SPNS3: variants seen among roughly 807,000 people sequenced by gnomAD.
The protein encoded by SPNS3 is SPNS lysolipid transporter 3, sphingosine-1-phosphate (putative), also known as protein spinster homolog 3.
Under a neutral mutation model 54.4 loss-of-function variants are expected in SPNS3, and 51 were observed. That is an observed-to-expected ratio of 0.94 (90% CI 0.75 to 1.18). SPNS3 has a LOEUF of 1.18. SPNS3 is among the 50% of genes most tolerant of loss of function. The pLI is 0.00. For synonymous variants in SPNS3, 309 were observed against 294.7 expected, an observed-to-expected ratio of 1.05 and a Z score of -0.50; for missense variants, 669 against 677.4, an observed-to-expected ratio of 0.99 and a Z score of 0.14.
rs934815453 is a variant in SPNS3, at chr17:4,483,163, G to A, written c.1180-3065G>A. Among the ~76,000 whole-genome samples, 2 of 152,226 alleles carry A rather than the reference G, an allele frequency of 1.3e-5. No homozygotes were observed. Among genetic ancestry groups the A allele is most frequent in the Non-Finnish European group, 2.9e-5 (2 of 68,036 alleles). On this transcript the variant is annotated intron_variant, in intron 9 of 11. Transcript: ENST00000355530. This position sits in a 1 kb window ranked among gnomAD's most constrained non-coding sequence, Gnocchi z 4.2. ...CAGGGGCGTCTGGGGGCGAGGCCTG[G>A]GTGGGGGTGCAGGAGGCAGGCTGCC...
In SPNS3 at chr17:4,487,951, G is replaced by A; in HGVS notation, c.*57G>A. The stretch of plus-strand genomic sequence containing the variant: ...CCTCCCGTTGGTCCCCACAGCAGCA[G>A]TGCCTCGGTTCCTCTTTGGCTGTCC... On this transcript the variant is annotated 3_prime_UTR_variant, in exon 12 of 12. Transcript: ENST00000355530. 1.3e-6 allele frequency: 2 copies of A among 1,495,644 alleles called. No individual in the cohort carries two copies. The highest frequency in any genetic ancestry group is 1.9e-6 in the Non-Finnish European group (2 of 1,075,070). The allele number at this position is 1,495,644 out of a possible 1,614,324, so 92.6% of individuals were successfully genotyped here.
At chr17:4,435,506 G>C (rs993636502) in intron 1 of SPNS3, among the ~76,000 whole-genome samples, 6 of 150,402 alleles carry the variant, frequency 4.0e-5, no homozygotes, top group African/African-American at 1.2e-4. Flanking sequence ...ATTAAGGGAG[G>C]GCACAGTGGG....
chr17:4,482,063 A>T (rs1189196281), intron 9 of SPNS3: 2 of 152,006 alleles, frequency 1.3e-5, no homozygotes, highest in African/African-American at 4.8e-5. Flanking sequence ...TAATTTTTGT[A>T]TTTTTAGTAG....
intron 8 of SPNS3, among the ~76,000 whole-genome samples, chr17:4,465,548 C>A (rs62064882): frequency 0.13 from 19,819 of 151,972 alleles, 1,583 homozygotes; most frequent in Non-Finnish European, 0.18. Flanking sequence ...GCCAACGTGG[C>A]AAAACCCCGA....
At chr17:4,474,446 C>A (rs559822827) in intron 8 of SPNS3, among the ~76,000 whole-genome samples, 13 of 151,888 alleles carry the variant, frequency 8.6e-5, no homozygotes, top group African/African-American at 2.9e-4. Context: ...AGCGAGCCCC[C>A]AGGGGATACT....
chr17:4,435,606 A>G (rs1489730975), intron 1 of SPNS3, among the ~76,000 whole-genome samples: 2 of 152,056 alleles, frequency 1.3e-5, no homozygotes, highest in African/African-American at 4.8e-5. Context: ...GGTGGAGGAC[A>G]GGGTAGCCTG....
At position 4,463,189 on chromosome 17, in the gene SPNS3, G is replaced by T. The variant is rs1393338366; in HGVS notation, c.1113+9984G>T. Reference sequence around the variant, plus strand: ...AAGGTGGGTGGATCACTTGAGGTCAGGAGTTCAAGACCAGCCTGGCCAACA... The same window carrying T: ...AAGGTGGGTGGATCACTTGAGGTCATGAGTTCAAGACCAGCCTGGCCAACA... On this transcript the variant is annotated intron_variant, in intron 8 of 11. Coordinates refer to ENST00000355530, the MANE Select transcript of SPNS3 (RefSeq NM_182538.5). 3.3e-5 allele frequency among the ~76,000 whole-genome samples: 5 copies of T among 151,564 alleles called. No homozygotes were observed. The Admixed American group carries it at 3.3e-4, about 10-fold the overall frequency.
At chr17:4,462,135 A>G (rs1971524236) in intron 8 of SPNS3, among the ~76,000 whole-genome samples, 1 of 466 alleles carries the variant, frequency 2.1e-3, no homozygotes, top group Non-Finnish European at 7.5e-3. Flanking sequence ...CCATCCATCC[A>G]TCCATCCATC....
At chr17:4,475,952 G>A (rs1207636437) in intron 8 of SPNS3, among the ~76,000 whole-genome samples, 4 of 152,214 alleles carry the variant, frequency 2.6e-5, no homozygotes, top group African/African-American at 9.6e-5. Flanking sequence ...AGGGGCTGCT[G>A]GTGCTGAAGG....
intron 8 of SPNS3, among the ~76,000 whole-genome samples, chr17:4,473,762 G>A (rs1253552115): frequency 6.6e-6 from 1 of 152,134 alleles, no homozygotes; most frequent in Non-Finnish European, 1.5e-5. Flanking sequence ...GTGTCCACAG[G>A]GGAGCTTGCA....
Position 4,486,543 on chromosome 17 carries a change from C to T in SPNS3, c.1410C>T (p.Tyr470=). ...GGGCFLLTAL[Y]LERDETRAWQ... The stretch of plus-strand genomic sequence containing the variant: ...GCTGCTTCCTGCTGACTGCGCTGTA[C>T]CTGGAGAGAGACGAGACCCGGGCCT... The change falls in exon 11 of 12, where the codon TAC becomes TAT. Residue 470 remains tyrosine, a synonymous_variant. Coordinates refer to ENST00000355530, the MANE Select transcript of SPNS3 (RefSeq NM_182538.5). This position sits in a 1 kb window ranked among gnomAD's most constrained non-coding sequence, Gnocchi z 5.5. 1.2e-6 allele frequency: 2 copies of T among 1,613,334 alleles called. No homozygotes were observed. The highest frequency in any genetic ancestry group is 1.7e-6 in the Non-Finnish European group (2 of 1,179,822).
chr17:4,481,079 G>A (rs1972137757), intron 9 of SPNS3, among the ~76,000 whole-genome samples: 1 of 152,094 alleles, frequency 6.6e-6, no homozygotes, highest in Non-Finnish European at 1.5e-5. Flanking sequence ...GGACACCGAG[G>A]GTAGACAATT....
intron 4 of SPNS3, chr17:4,446,656 T>C (rs1232236578): frequency 8.5e-6 from 5 of 589,976 alleles, no homozygotes; most frequent in Admixed American, 2.9e-5. Context: ...GGTATGTGTT[T>C]CCATAGGTGG....
rs768692485 is a variant in SPNS3 at position 4,486,508 on chromosome 17, C to A, written c.1375C>A (p.Leu459Met). The change falls in exon 11 of 12, where the codon CTG becomes ATG. Residue 459 changes from leucine to methionine, a missense_variant. Physicochemically the swap from Leu to Met is conservative, Grantham distance 15. Coordinates refer to ENST00000355530, the MANE Select transcript of SPNS3 (RefSeq NM_182538.5). The surrounding 1 kb of genome is among the most constrained non-coding windows in gnomAD (Gnocchi z 5.5). The stretch of plus-strand genomic sequence containing the variant: ...CCTGTGCTGCGCCTTTGTCATCGCC[C>A]TGGGGGGCGGCTGCTTCCTGCTGAC... ...SFLCCAFVIA[L>M]GGGCFLLTAL... The A allele has an allele frequency of 3.6e-5, 58 of 1,613,542 alleles. No individual in the cohort carries two copies. In the South Asian group the frequency reaches 6.4e-4, roughly 18 times the overall value.
intron 7 of SPNS3, among the ~76,000 whole-genome samples, chr17:4,452,378 C>G (rs745885608): frequency 2.0e-5 from 3 of 152,018 alleles, no homozygotes; most frequent in Non-Finnish European, 4.4e-5. Flanking sequence ...TTTGGAGGGA[C>G]AGGTCTCCAC....
In SPNS3 at chr17:4,448,255, G is replaced by T; in HGVS notation, c.722G>T (p.Gly241Val). ...AAETQGEGAV[G>V]GFRSSWCEDV... ...GAGACACAGGGGGAGGGGGCCGTGGGAGGCTTCAGGAGCAGCTGGTGTGAG... is the reference window on the plus strand; with the variant it reads ...GAGACACAGGGGGAGGGGGCCGTGGTAGGCTTCAGGAGCAGCTGGTGTGAG... Residue 241 changes from glycine to valine, a missense_variant, in exon 6 of 12, where the codon GGA becomes GTA. Transcript: ENST00000355530. 6.3e-7 allele frequency: 1 copy of T among 1,598,440 alleles called. No homozygotes were observed. Among genetic ancestry groups the T allele is most frequent in the Non-Finnish European group, 8.5e-7 (1 of 1,173,414 alleles).
At chr17:4,469,984 T>G (rs1971812906) in intron 8 of SPNS3, among the ~76,000 whole-genome samples, 1 of 152,228 alleles carries the variant, frequency 6.6e-6, no homozygotes, top group Admixed American at 6.5e-5. Flanking sequence ...TTTGGCCTTT[T>G]TGCTTCTATA....
chr17:4,446,062 C>A lies in SPNS3; in HGVS notation c.417C>A (p.Phe139Leu), dbSNP rs763607381. 2.9e-5 allele frequency: 46 copies of A among 1,609,030 alleles called. No homozygotes were observed. The highest frequency in any genetic ancestry group is 3.7e-5 in the Non-Finnish European group (44 of 1,176,626). The change falls in exon 4 of 12, where the codon TTC (phenylalanine) becomes TTA (leucine). Residue 139 changes from phenylalanine (F) to leucine (L), a missense_variant. Transcript: ENST00000355530. ...SFISPRYSWL[F>L]FLSRGIVGTG... Reference sequence around the variant, plus strand: ...TGCTCGCCCAGTATTCTTGGCTCTTCTTCCTGTCCCGGGGCATCGTGGGCA... The same window carrying A: ...TGCTCGCCCAGTATTCTTGGCTCTTATTCCTGTCCCGGGGCATCGTGGGCA...
In SPNS3 at chr17:4,459,185, C is replaced by T. The variant is rs549284294; in HGVS notation, c.1113+5980C>T. Among the ~76,000 whole-genome samples the T allele has an allele frequency of 2.7e-4, 41 of 152,220 alleles. No individual in the cohort carries two copies. In the South Asian group the frequency reaches 8.5e-3, roughly 32 times the overall value. Reference sequence around the variant, plus strand: ...TGTTGTCGTCCTGGGGTCTCAGTTACGTACGTTCTGACTCCTCTCCCAGCC... The same window carrying T: ...TGTTGTCGTCCTGGGGTCTCAGTTATGTACGTTCTGACTCCTCTCCCAGCC... On this transcript the variant is annotated intron_variant, in intron 8 of 11. Transcript: ENST00000355530.
Sources: allele counts gnomAD v4.1 joint callset (sites outside exome capture counted in the v4.1 genomes callset), GRCh38; gene constraint gnomAD v4.1.1; non-coding constraint Gnocchi (gnomAD v3.1); transcripts MANE v1.5; gene names NCBI Gene and HGNC (gene_info 2026-07-23, HGNC 2026-07-21).